Variants in KCNK12 observed in about 807,000 individuals in gnomAD.
KCNK12 encodes potassium two pore domain channel subfamily K member 12, also known as potassium channel subfamily K member 12.
Under a neutral mutation model 25.3 loss-of-function variants are expected in KCNK12, and 6 were observed. That is an observed-to-expected ratio of 0.24 (90% CI 0.13 to 0.47). KCNK12 has a LOEUF of 0.47. Ranked by LOEUF, KCNK12 falls within the 20% of genes least tolerant of loss-of-function variation. KCNK12 has a pLI of 0.99. For synonymous variants in KCNK12, 331 were observed against 311.1 expected (o/e 1.06, Z -0.67); for missense variants, 444 against 661.7 (o/e 0.67, Z 3.61).
intron 1 of KCNK12, among the ~76,000 whole-genome samples, chr2:47,550,013 G>GA (rs1009040075): frequency 6.6e-6 from 1 of 151,516 alleles, no homozygotes; most frequent in Non-Finnish European, 1.5e-5. Context: ...AAAGACTGCT[G>GA]AAAAAGGTTG....
At chr2:47,536,950 C>T (rs189448489) in intron 1 of KCNK12, among the ~76,000 whole-genome samples, 8 of 152,286 alleles carry the variant, frequency 5.3e-5, no homozygotes, top group African/African-American at 1.2e-4. Flanking sequence ...GTGGTTTGGA[C>T]GATGTTCTTG....
intron 1 of KCNK12, among the ~76,000 whole-genome samples, chr2:47,567,636 G>T (rs1451375723): frequency 6.6e-6 from 1 of 152,202 alleles, no homozygotes; most frequent in Non-Finnish European, 1.5e-5. Flanking sequence ...TGCTACTTTT[G>T]TGGCTGTCTT....
Position 47,569,951 on chromosome 2 carries a change from C to T in KCNK12, c.381G>A (p.Val127=). ...GGACGCGCCGCTCACCTATGGTTGA[C>T]ACCACGGTGCCCACGAAGTAGAAGG... ...PGAFYFVGTV[V]STIGFGMTTP... is the part of the protein sequence containing the mutation. The change falls in exon 1 of 2, where the codon GTG becomes GTA. Residue 127 remains valine, a synonymous_variant. Transcript: ENST00000327876. This position sits in a 1 kb window ranked among gnomAD's most constrained non-coding sequence, Gnocchi z 4.1. 4 of 1,420,308 alleles carry T rather than the reference C, an allele frequency of 2.8e-6. No homozygotes were observed. Among genetic ancestry groups the T allele is most frequent in the African/African-American group, 3.0e-5 (2 of 66,094 alleles). 88.0% of individuals were successfully genotyped at this position (1,420,308 alleles called of 1,614,324 possible).
rs1213696576 is a variant in KCNK12 at position 47,556,092 on chromosome 2, A to G, written c.391+13849T>C. 2.0e-5 allele frequency: 3 copies of G among 152,338 alleles called. No individual in the cohort carries two copies. Among genetic ancestry groups the G allele is most frequent in the African/African-American group, 7.2e-5 (3 of 41,474 alleles). The allele number at this position is 152,338 out of a possible 1,614,324, so 9.4% of individuals were successfully genotyped here. A position where few individuals can be genotyped will look rare whatever the true frequency, so the allele number is the denominator to read the frequency against. ...GAGGGAGAGGTTGACTACTCTTCTC[A>G]GAAGCTTTCCTGTAAAGGAGGGCAG... On this transcript the variant is annotated intron_variant, in intron 1 of 1. Coordinates refer to ENST00000327876, the MANE Select transcript of KCNK12 (RefSeq NM_022055.2). The surrounding 1 kb of genome is among the most constrained non-coding windows in gnomAD (Gnocchi z 4.8).
chr2:47,517,466 C>T lies in KCNK12; in HGVS notation c.*3441G>A, dbSNP rs1170517852. ...CAAGGCAGAGAGGGATTTTCCAGGC[C>T]CTGGTACATCTCTAGAGAGTTAAAA... On this transcript the variant is annotated 3_prime_UTR_variant, in exon 2 of 2. Transcript: ENST00000327876. The surrounding 1 kb of genome is among the most constrained non-coding windows in gnomAD (Gnocchi z 4.1). 6.6e-6 allele frequency: 1 copy of T among 152,118 alleles called. No individual in the cohort carries two copies. Among genetic ancestry groups the T allele is most frequent in the African/African-American group, 2.4e-5 (1 of 41,398 alleles). The allele number at this position is 152,118 out of a possible 1,614,324, so 9.4% of individuals were successfully genotyped here. A position where few individuals can be genotyped will look rare whatever the true frequency, so the allele number is the denominator to read the frequency against.
intron 1 of KCNK12, among the ~76,000 whole-genome samples, chr2:47,550,688 C>T (rs920120342): frequency 3.3e-5 from 5 of 151,836 alleles, no homozygotes; most frequent in African/African-American, 4.8e-5. Context: ...TGGCCACAGA[C>T]GTCTTATCAG....
Position 47,557,931 on chromosome 2 carries a change from ATC to A in KCNK12, c.391+12008_391+12009del, listed in dbSNP as rs1669583107. Among the ~76,000 whole-genome samples the A allele has an allele frequency of 6.6e-6, 1 of 152,184 alleles. No individual in the cohort carries two copies. On this transcript the variant is annotated intron_variant, in intron 1 of 1. Transcript: ENST00000327876. This position sits in a 1 kb window ranked among gnomAD's most constrained non-coding sequence, Gnocchi z 4.9. Reference sequence around the variant, plus strand: ...GTTCCTGACATTGGTTACAAGTTACATCTCTCTTTAAATATAATGGGGTATGT... The same window carrying A: ...GTTCCTGACATTGGTTACAAGTTACATCTCTTTAAATATAATGGGGTATGT...
In KCNK12 at chr2:47,515,068, T is replaced by C. The variant is rs1457027478; in HGVS notation, c.*5839A>G. ...TTAGAACTTGAAAGGAACCCAAGGA[T>C]CATCTAGGCTACTTTATGCAGGTAA... is the stretch of plus-strand genomic sequence containing the variant. On this transcript the variant is annotated 3_prime_UTR_variant, in exon 2 of 2. Coordinates refer to ENST00000327876, the MANE Select transcript of KCNK12 (RefSeq NM_022055.2). Among the ~76,000 whole-genome samples the C allele has an allele frequency of 1.3e-5, 2 of 152,162 alleles. No homozygotes were observed. Among genetic ancestry groups the C allele is most frequent in the Non-Finnish European group, 2.9e-5 (2 of 68,038 alleles).
rs1285599496 is a variant in KCNK12, at chr2:47,516,526, G to C, written c.*4381C>G. ...CCCTCCTGAGAGGAGGTGTGAACTG[G>C]AAGATGGGGAGGCAGGCGGCTCTGA... On this transcript the variant is annotated 3_prime_UTR_variant, in exon 2 of 2. Coordinates refer to ENST00000327876, the MANE Select transcript of KCNK12 (RefSeq NM_022055.2). The C allele has an allele frequency of 3.3e-5, 5 of 152,264 alleles. No homozygotes were observed. The highest frequency in any genetic ancestry group is 2.9e-5 in the Non-Finnish European group (2 of 68,080). 9.4% of individuals were successfully genotyped at this position (152,264 alleles called of 1,614,324 possible).
chr2:47,520,117 C>T lies in KCNK12; in HGVS notation c.*790G>A, dbSNP rs943297046. On this transcript the variant is annotated 3_prime_UTR_variant, in exon 2 of 2. Coordinates refer to ENST00000327876, the MANE Select transcript of KCNK12 (RefSeq NM_022055.2). The surrounding 1 kb of genome is among the most constrained non-coding windows in gnomAD (Gnocchi z 5.0). ...GACGGTTGGGGGATTCAAGATCTGC[C>T]GATCCGAGCCTGGAGATCAGCCAGC... 3 of 152,174 alleles carry T rather than the reference C, an allele frequency of 2.0e-5. No individual in the cohort carries two copies. The highest frequency in any genetic ancestry group is 7.2e-5 in the African/African-American group (3 of 41,450). The allele number at this position is 152,174 out of a possible 1,614,324, so 9.4% of individuals were successfully genotyped here. A position where few individuals can be genotyped will look rare whatever the true frequency, so the allele number is the denominator to read the frequency against.
rs1374874888 is a variant in KCNK12, at chr2:47,538,581, G to C, written c.392-16773C>G. On this transcript the variant is annotated intron_variant, in intron 1 of 1. Transcript: ENST00000327876. The surrounding 1 kb of genome is among the most constrained non-coding windows in gnomAD (Gnocchi z 4.5). ...AGGTCAGGAGTTTGAGACCAGCCTG[G>C]CCAACATGGTGAAACCCCGTCTCTA... Among the ~76,000 whole-genome samples the C allele has an allele frequency of 1.3e-5, 2 of 152,112 alleles. No homozygotes were observed. Among genetic ancestry groups the C allele is most frequent in the African/African-American group, 4.8e-5 (2 of 41,412 alleles).
At position 47,554,150 on chromosome 2, in the gene KCNK12, A is replaced by G. The variant is rs572905735; in HGVS notation, c.391+15791T>C. 3.9e-5 allele frequency among the ~76,000 whole-genome samples: 6 copies of G among 152,308 alleles called. No homozygotes were observed. The East Asian group carries it at 9.6e-4, about 24-fold the overall frequency. On this transcript the variant is annotated intron_variant, in intron 1 of 1. Transcript: ENST00000327876. The stretch of plus-strand genomic sequence containing the variant: ...GGAAGCTTTGGAAGTTCATCTATTC[A>G]ACAAACACAAGGTACTGTGCTAGGC...
intron 1 of KCNK12, among the ~76,000 whole-genome samples, chr2:47,568,195 G>T (rs1344327935): frequency 6.6e-6 from 1 of 152,096 alleles, no homozygotes; most frequent in Non-Finnish European, 1.5e-5. Flanking sequence ...CCTCTAGGTG[G>T]AAGAAAGGGA....
intron 1 of KCNK12, chr2:47,567,296 G>T (rs1185510395): frequency 2.6e-5 from 4 of 152,194 alleles, no homozygotes; most frequent in Non-Finnish European, 5.9e-5. Flanking sequence ...ATTGGATAAA[G>T]AGTCAGATAA....
chr2:47,531,046 C>T (rs1017762107), intron 1 of KCNK12, among the ~76,000 whole-genome samples: 2 of 152,192 alleles, frequency 1.3e-5, no homozygotes, highest in African/African-American at 2.4e-5. Flanking sequence ...AATAGAATCA[C>T]CTGGGGAACT....
intron 1 of KCNK12, among the ~76,000 whole-genome samples, chr2:47,530,328 AG>A (rs1668890797): frequency 6.6e-6 from 1 of 152,114 alleles, no homozygotes; most frequent in Non-Finnish European, 1.5e-5. Flanking sequence ...GACACTTGAG[AG>A]GGCACTGGGC....
In KCNK12 at chr2:47,509,561, T is replaced by C. The variant is rs1382581681; in HGVS notation, c.*11346A>G. On this transcript the variant is annotated 3_prime_UTR_variant, in exon 2 of 2. Transcript: ENST00000327876. ...CAGGATTGTGGTGTCCAGGTGTCTC[T>C]CCTTAGCACATAAGACCCTGTCCGA... 6.6e-6 allele frequency among the ~76,000 whole-genome samples: 1 copy of C among 152,230 alleles called. No individual in the cohort carries two copies. Among genetic ancestry groups the C allele is most frequent in the Non-Finnish European group, 1.5e-5 (1 of 68,044 alleles).
chr2:47,522,568 T>A (rs1019544597), intron 1 of KCNK12, among the ~76,000 whole-genome samples: 2 of 152,218 alleles, frequency 1.3e-5, no homozygotes, highest in African/African-American at 4.8e-5. Flanking sequence ...TTTAAACTCC[T>A]GGGCTCAAGT....
intron 1 of KCNK12, among the ~76,000 whole-genome samples, chr2:47,524,811 C>T (rs565514730): frequency 3.3e-5 from 5 of 152,242 alleles, no homozygotes; most frequent in South Asian, 2.1e-4. Context: ...CCAATTCTGA[C>T]GTACCCATCA....
Sources: gnomAD v4.1 joint callset for allele counts (sites outside exome capture counted in the v4.1 genomes callset) on GRCh38, gnomAD v4.1.1 for gene constraint, Gnocchi (gnomAD v3.1) non-coding constraint, MANE v1.5 for transcripts, NCBI Gene and HGNC (gene_info 2026-07-23, HGNC 2026-07-21) for gene names.